CATSPER3: variants seen among roughly 807,000 people sequenced by gnomAD.
The protein encoded by CATSPER3 is cation channel sperm-associated protein 3.
In CATSPER3, 23 loss-of-function variants were observed where a neutral mutation model predicts 36.6. That is an observed-to-expected ratio of 0.63 (90% CI 0.45 to 0.89). The LOEUF (loss-of-function observed/expected upper bound fraction) is 0.89. CATSPER3 is among the 40% of genes least tolerant of loss of function. The pLI is 0.00. For synonymous variants in CATSPER3, 172 were observed against 184.1 expected, an observed-to-expected ratio of 0.93 and a Z score of 0.53; for missense variants, 474 against 503.9, an observed-to-expected ratio of 0.94 and a Z score of 0.57.
intron 3 of CATSPER3, among the ~76,000 whole-genome samples, chr5:134,998,972 G>A (rs1751987654): frequency 6.6e-6 from 1 of 152,166 alleles, no homozygotes; most frequent in South Asian, 2.1e-4. Context: ...TGGTGTTTTA[G>A]ACATGAAGTC....
In CATSPER3 at chr5:135,009,331, G is replaced by T. The variant is rs764327471; in HGVS notation, c.817-40G>T. 2.2e-5 allele frequency: 36 copies of T among 1,607,138 alleles called. No homozygotes were observed. In the Admixed American group the frequency reaches 4.2e-4, roughly 19 times the overall value. On this transcript the variant is annotated intron_variant, in intron 5 of 7. Coordinates refer to ENST00000282611, the MANE Select transcript of CATSPER3 (RefSeq NM_178019.3). ...AGGAAAGACTGGGTCTGGGCATGTA[G>T]CGAGAGCCTGTAGTTGACCTCCATC...
At chr5:134,992,712 C>CA (rs1751893479) in intron 2 of CATSPER3, among the ~76,000 whole-genome samples, 1 of 152,092 alleles carries the variant, frequency 6.6e-6, no homozygotes, top group African/African-American at 2.4e-5. Flanking sequence ...GGCAACAGAG[C>CA]AAGACTCCAT....
rs145171708 is a variant in CATSPER3, at chr5:135,008,038, G to A, written c.574G>A (p.Ala192Thr). 20 of 1,613,954 alleles carry A rather than the reference G, an allele frequency of 1.2e-5. No individual in the cohort carries two copies. Among genetic ancestry groups the A allele is most frequent in the African/African-American group, 1.2e-4 (9 of 74,906 alleles). The change falls in exon 4 of 8, where the codon GCT becomes ACT. Residue 192 changes from alanine to threonine, a missense_variant. Physicochemically the swap from Ala to Thr is moderately conservative, Grantham distance 58 (BLOSUM62 0). Coordinates refer to ENST00000282611, the MANE Select transcript of CATSPER3 (RefSeq NM_178019.3). ...GCTCTTCCTCCTCATGTACATCTTC[G>A]CTATCTTGGGCTTCTGCCTGTTTGG... Reference protein sequence around the residue: ...LLLFLLMYIFAILGFCLFGSP... With the variant: ...LLLFLLMYIFTILGFCLFGSP...
At chr5:135,003,375 T>C (rs299370) in intron 3 of CATSPER3, among the ~76,000 whole-genome samples, 62,343 of 151,964 alleles carry the variant, frequency 0.41, 14,112 homozygotes, top group African/African-American at 0.59. Flanking sequence ...TTGGGGGTGC[T>C]TCCCAGTTAG....
rs775932166 is a variant in CATSPER3, at chr5:135,009,323, G to C, written c.817-48G>C. ...TGGGGAAGAGGAAAGACTGGGTCTG[G>C]GCATGTAGCGAGAGCCTGTAGTTGA... On this transcript the variant is annotated intron_variant, in intron 5 of 7. Coordinates refer to ENST00000282611, the MANE Select transcript of CATSPER3 (RefSeq NM_178019.3). The C allele has an allele frequency of 4.1e-5, 66 of 1,600,768 alleles. No homozygotes were observed. In the East Asian group the frequency reaches 1.2e-3, roughly 30 times the overall value.
intron 2 of CATSPER3, 45 bp downstream of exon 2, chr5:134,970,137 G>A: frequency 6.4e-7 from 1 of 1,571,010 alleles, no homozygotes; most frequent in Non-Finnish European, 8.8e-7. Flanking sequence ...TTTAAAACAT[G>A]CTTTATTTCT....
intron 2 of CATSPER3, among the ~76,000 whole-genome samples, chr5:134,970,877 C>T (rs1751596932): frequency 1.3e-5 from 2 of 152,100 alleles, no homozygotes. Flanking sequence ...TGGCCAGTGA[C>T]ATGGTTTTTA....
intron 2 of CATSPER3, chr5:134,995,997 T>C (rs1751940353): frequency 5.8e-6 from 3 of 520,068 alleles, no homozygotes; most frequent in South Asian, 2.0e-5. Context: ...TGCAGTATGC[T>C]AGAGCTTATA....
At chr5:135,009,305 G>C in intron 5 of CATSPER3, 66 bp from the exon 6 acceptor site, 9 of 1,551,348 alleles carry the variant, frequency 5.8e-6, no homozygotes, top group Non-Finnish European at 8.0e-6. Context: ...GACTGGGGAA[G>C]AGGAAAGACT....
intron 3 of CATSPER3, among the ~76,000 whole-genome samples, chr5:135,003,260 A>G (rs895740209): frequency 1.3e-5 from 2 of 152,160 alleles, no homozygotes; most frequent in African/African-American, 4.8e-5. Context: ...GGAGGCTGCA[A>G]AACAGCGAAT....
At chr5:134,998,489 C>G (rs1265319668) in intron 3 of CATSPER3, among the ~76,000 whole-genome samples, 3 of 152,160 alleles carry the variant, frequency 2.0e-5, no homozygotes, top group African/African-American at 7.2e-5. Context: ...CTTGAGGAAT[C>G]GCCACACTGT....
chr5:134,970,046 T>C lies in CATSPER3; in HGVS notation c.206T>C (p.Leu69Ser), dbSNP rs1751582887. ...TVTSNAFFMALWTSYDIRYRL... is the reference protein window; with the variant it reads ...TVTSNAFFMASWTSYDIRYRL... Reference sequence around the variant, plus strand: ...ACATCGAATGCGTTTTTTATGGCCTTGTGGACCAGTTATGACATAAGGTAC... The same window carrying C: ...ACATCGAATGCGTTTTTTATGGCCTCGTGGACCAGTTATGACATAAGGTAC... Residue 69 changes from leucine (L) to serine (S), a missense_variant, in exon 2 of 8, where the codon TTG (leucine) becomes TCG (serine). Coordinates refer to ENST00000282611, the MANE Select transcript of CATSPER3 (RefSeq NM_178019.3). 6.2e-7 allele frequency: 1 copy of C among 1,614,060 alleles called. No homozygotes were observed. The highest frequency in any genetic ancestry group is 1.7e-5 in the Admixed American group (1 of 60,006).
chr5:134,968,092 A>G lies in CATSPER3; in HGVS notation c.98+3A>G, dbSNP rs769384212. ...TGCCCAACATTCAAGAAATTTAAGTAAATATTATCTATCTCCATTGCCTGT... is the reference window on the plus strand; with the variant it reads ...TGCCCAACATTCAAGAAATTTAAGTGAATATTATCTATCTCCATTGCCTGT... On this transcript the variant is annotated splice_donor_region_variant and intron_variant, in intron 1 of 7. Transcript: ENST00000282611. The G allele has an allele frequency of 1.9e-6, 3 of 1,585,728 alleles. No individual in the cohort carries two copies. The South Asian group carries it at 3.3e-5, about 18-fold the overall frequency.
At chr5:134,997,942 C>T (rs1307589206) in intron 3 of CATSPER3, among the ~76,000 whole-genome samples, 1 of 152,142 alleles carries the variant, frequency 6.6e-6, no homozygotes, top group Non-Finnish European at 1.5e-5. Flanking sequence ...AAAAATTATT[C>T]TTTAAGTTCT....
intron 1 of CATSPER3, chr5:134,969,261 A>G (rs1751571895): frequency 6.6e-6 from 1 of 152,536 alleles, no homozygotes; most frequent in South Asian, 2.1e-4. Flanking sequence ...TTTTCAAAAG[A>G]GCTGGTCAGT....
chr5:134,969,901 T>C, intron 1 of CATSPER3, 38 bp from the exon 2 acceptor site: 3 of 1,612,208 alleles, frequency 1.9e-6, no homozygotes, highest in Non-Finnish European at 2.5e-6. Flanking sequence ...CTAGCTCTAT[T>C]GTGCTGTAAC....
chr5:134,996,773 C>T (rs1034996549), intron 3 of CATSPER3, among the ~76,000 whole-genome samples: 2 of 152,216 alleles, frequency 1.3e-5, no homozygotes, highest in African/African-American at 4.8e-5. Flanking sequence ...ATTTGAAAGG[C>T]GTGCCTGACT....
chr5:134,978,832 G>T (rs1751714057), intron 2 of CATSPER3, among the ~76,000 whole-genome samples: 1 of 151,416 alleles, frequency 6.6e-6, no homozygotes, highest in South Asian at 2.1e-4. Context: ...CCATCCTCCT[G>T]CCTCAGCCTC....
At chr5:135,010,202 C>T (rs1451738880) in intron 6 of CATSPER3, among the ~76,000 whole-genome samples, 171 bp from the exon 7 acceptor site, 2 of 152,200 alleles carry the variant, frequency 1.3e-5, no homozygotes, top group East Asian at 1.9e-4. Flanking sequence ...CGCCTCACCC[C>T]GGAGTCCAGG....
Sources: allele counts gnomAD v4.1 joint callset (sites outside exome capture counted in the v4.1 genomes callset), GRCh38; gene constraint gnomAD v4.1.1; transcripts MANE v1.5; gene names NCBI Gene and HGNC (gene_info 2026-07-23, HGNC 2026-07-21).